Variants in CNGA1 observed in about 807,000 individuals in gnomAD.
CNGA1 encodes cyclic nucleotide-gated channel alpha-1.
In CNGA1, 53 loss-of-function variants were observed where a neutral mutation model predicts 69.7. That is an observed-to-expected ratio of 0.76 (90% confidence interval 0.61 to 0.96). The LOEUF (loss-of-function observed/expected upper bound fraction) is 0.96. Among genes scored for constraint, CNGA1 ranks in the 40% least tolerant of loss-of-function variants. The probability of loss-of-function intolerance (pLI) is 0.00; values close to 1 mark genes in which losing one functional copy is unlikely to be tolerated. For missense variants in CNGA1, 739 were observed against 811.2 expected, an observed-to-expected ratio of 0.91 and a Z score of 1.08; for synonymous variants, 249 against 283.5, an observed-to-expected ratio of 0.88 and a Z score of 1.22.
intron 3 of CNGA1, among the ~76,000 whole-genome samples, chr4:47,972,378 T>C (rs187299308): frequency 7.2e-4 from 109 of 152,158 alleles, no homozygotes; most frequent in African/African-American, 2.6e-3. Context: ...TGTGCAAGAG[T>C]GGTTCTCATG....
chr4:47,977,728 A>AT (rs1041197338), intron 3 of CNGA1, among the ~76,000 whole-genome samples: 3 of 152,078 alleles, frequency 2.0e-5, no homozygotes, highest in Admixed American at 6.6e-5. Flanking sequence ...AAGCAACAAA[A>AT]TTTTTTTAAT....
intron 2 of CNGA1, 112 bp downstream of exon 2, chr4:48,010,679 GTTC>G (rs1715115226): frequency 6.5e-6 from 1 of 153,456 alleles, no homozygotes; most frequent in Non-Finnish European, 1.4e-5. Context: ...AGTGACTAGT[GTTC>G]AGCTCGATTA....
At chr4:47,987,472 C>T (rs1742024748) in intron 2 of CNGA1, among the ~76,000 whole-genome samples, 1 of 152,152 alleles carries the variant, frequency 6.6e-6, no homozygotes. Flanking sequence ...GGAACCGTGT[C>T]TATGTTGCCC....
At chr4:47,951,605 G>C (rs754589433) in intron 4 of CNGA1, 136 bp from the exon 5 acceptor site, 53 of 690,752 alleles carry the variant, frequency 7.7e-5, no homozygotes, top group Non-Finnish European at 1.2e-4. Flanking sequence ...ACAATTTTTA[G>C]TTAGCATAAA....
At chr4:47,986,998 T>A (rs13110161) in intron 2 of CNGA1, among the ~76,000 whole-genome samples, 1 of 126,026 alleles carries the variant, frequency 7.9e-6, no homozygotes, top group Admixed American at 7.8e-5. Context: ...TGTTGTGTTG[T>A]GTTGAGTTGT....
At chr4:47,983,319 C>G (rs950578326) in intron 2 of CNGA1, among the ~76,000 whole-genome samples, 2 of 152,048 alleles carry the variant, frequency 1.3e-5, no homozygotes, top group Non-Finnish European at 2.9e-5. Context: ...GGCGGGGCGT[C>G]GTGGCTCACG....
At chr4:47,996,275 CAG>C (rs1326311999) in intron 2 of CNGA1, among the ~76,000 whole-genome samples, 3 of 152,166 alleles carry the variant, frequency 2.0e-5, no homozygotes, top group African/African-American at 7.2e-5. Flanking sequence ...GGGGTGGCCT[CAG>C]AGACTTGCAA....
chr4:47,995,007 A>T (rs1256256807), intron 2 of CNGA1, among the ~76,000 whole-genome samples: 1 of 152,136 alleles, frequency 6.6e-6, no homozygotes, highest in Non-Finnish European at 1.5e-5. Context: ...AGATAGATAG[A>T]ATCCCTTCTA....
chr4:47,989,154 G>A (rs564041062), intron 2 of CNGA1, among the ~76,000 whole-genome samples: 8 of 152,166 alleles, frequency 5.3e-5, no homozygotes, highest in Admixed American at 3.9e-4. Context: ...GTCAAGTTAC[G>A]TCCTTCATGA....
intron 3 of CNGA1, among the ~76,000 whole-genome samples, chr4:47,961,694 C>T (rs1578088918): frequency 6.6e-6 from 1 of 152,202 alleles, no homozygotes; most frequent in East Asian, 1.9e-4. Flanking sequence ...TTACAGTGCA[C>T]TCCAGCCTGG....
intron 3 of CNGA1, among the ~76,000 whole-genome samples, chr4:47,976,630 C>G (rs540788974): frequency 6.6e-6 from 1 of 151,972 alleles, no homozygotes; most frequent in South Asian, 2.1e-4. Context: ...CTACTTCTCT[C>G]GCAAGTTTAT....
chr4:47,939,214 T>C (rs780541326), intron 10 of CNGA1, among the ~76,000 whole-genome samples: 1 of 152,156 alleles, frequency 6.6e-6, no homozygotes, highest in Non-Finnish European at 1.5e-5. Flanking sequence ...GGAGAAGCAC[T>C]GGAGACTGAG....
chr4:47,995,153 C>G (rs899025210), intron 2 of CNGA1, among the ~76,000 whole-genome samples: 4 of 150,716 alleles, frequency 2.7e-5, no homozygotes, highest in Non-Finnish European at 5.9e-5. Flanking sequence ...GACAATGTGC[C>G]TAGGTGATGA....
Position 47,951,611 on chromosome 4 carries a change from A to G in CNGA1, c.108-142T>C, listed in dbSNP as rs539239482. 1.3e-4 allele frequency: 88 copies of G among 678,804 alleles called. No individual in the cohort carries two copies. In the African/African-American group the frequency reaches 1.5e-3, roughly 11 times the overall value. 42.0% of individuals were successfully genotyped at this position (678,804 alleles called of 1,614,324 possible). A position where few individuals can be genotyped will look rare whatever the true frequency, so the allele number is the denominator to read the frequency against. Reference sequence around the variant, plus strand: ...ACACACATAACAATTTTTAGTTAGCATAAAGTTAGAACTATACAAAATACA... The same window carrying G: ...ACACACATAACAATTTTTAGTTAGCGTAAAGTTAGAACTATACAAAATACA... On this transcript the variant is annotated intron_variant, in intron 4 of 10. Transcript: ENST00000514170.
At chr4:47,991,318 C>T (rs1167226975) in intron 2 of CNGA1, among the ~76,000 whole-genome samples, 2 of 152,164 alleles carry the variant, frequency 1.3e-5, no homozygotes, top group East Asian at 3.8e-4. Flanking sequence ...ATGCAAACAT[C>T]TACTATTTTC....
intron 3 of CNGA1, chr4:47,971,034 G>A (rs1049103486): frequency 2.2e-6 from 1 of 454,478 alleles, no homozygotes; most frequent in Admixed American, 2.4e-5. Flanking sequence ...GAATCTGGGA[G>A]GTGAAGACTG....
At chr4:47,987,754 G>C (rs1354273800) in intron 2 of CNGA1, among the ~76,000 whole-genome samples, 3 of 152,042 alleles carry the variant, frequency 2.0e-5, no homozygotes, top group Non-Finnish European at 2.9e-5. Flanking sequence ...ATATGGGGTG[G>C]GGCAGGACTA....
rs986171712 is a variant in CNGA1, at chr4:48,016,614, C to G, written c.-354G>C. On this transcript the variant is annotated 5_prime_UTR_variant, in exon 1 of 11. Coordinates refer to ENST00000514170, the MANE Select transcript of CNGA1 (RefSeq NM_001379270.1). ...GCCAGATACACCAGTTATCACAGGC[C>G]GCTCCCAGGCCTGCGGGGGCCCTGA... is the stretch of plus-strand genomic sequence containing the variant. 5.9e-5 allele frequency: 32 copies of G among 538,152 alleles called. No homozygotes were observed. The highest frequency in any genetic ancestry group is 1.0e-4 in the Non-Finnish European group (32 of 309,284). 33.3% of individuals were successfully genotyped at this position (538,152 alleles called of 1,614,324 possible). A position where few individuals can be genotyped will look rare whatever the true frequency, so the allele number is the denominator to read the frequency against.
chr4:47,936,354 G>A lies in CNGA1; in HGVS notation c.*67C>T. ...AGTCTTCCTCTTCTTTTAAATTTTA[G>A]TTGATGTCAGTCATAGGATCAAAAG... On this transcript the variant is annotated 3_prime_UTR_variant, in exon 11 of 11. Transcript: ENST00000514170. 1 of 1,549,330 alleles carries A rather than the reference G, an allele frequency of 6.5e-7. No individual in the cohort carries two copies. Among genetic ancestry groups the A allele is most frequent in the Non-Finnish European group, 8.9e-7 (1 of 1,123,028 alleles).
Sources: allele counts gnomAD v4.1 joint callset (sites outside exome capture counted in the v4.1 genomes callset), GRCh38; gene constraint gnomAD v4.1.1; transcripts MANE v1.5; gene names NCBI Gene and HGNC (gene_info 2026-07-23, HGNC 2026-07-21).